Variants in KLHL25 observed in about 807,000 individuals in gnomAD.
The protein encoded by KLHL25 is kelch-like protein 25.
In KLHL25, 41 loss-of-function variants were observed where a neutral mutation model predicts 30.0. The observed-to-expected ratio is 1.37, with a 90% CI of 1.07 to 1.78. The LOEUF (loss-of-function observed/expected upper bound fraction) is 1.78, where lower values mean the gene tolerates loss of function less well. Among genes scored for constraint, KLHL25 ranks in the 40% most tolerant of loss-of-function variants. KLHL25 has a pLI of 0.00. For synonymous variants in KLHL25, 399 were observed against 355.3 expected, an observed-to-expected ratio of 1.12 and a Z score of -1.38; for missense variants, 971 against 824.5, an observed-to-expected ratio of 1.18 and a Z score of -2.18.
At chr15:85,776,063 C>T (rs966121367) in intron 1 of KLHL25, among the ~76,000 whole-genome samples, 1 of 151,210 alleles carries the variant, frequency 6.6e-6, no homozygotes, top group Non-Finnish European at 1.5e-5. Context: ...GTCCCAGCTA[C>T]TCGGGAGGTT....
rs1433216855 is a variant in KLHL25, at chr15:85,768,142, A to G, written c.1669T>C (p.Cys557Arg). The change falls in exon 2 of 3, where the codon TGC (cysteine) becomes CGC (arginine). Residue 557 changes from cysteine (C) to arginine (R), a missense_variant. Coordinates refer to ENST00000337975, the MANE Select transcript of KLHL25 (RefSeq NM_022480.4). Reference sequence around the variant, plus strand: ...CATGTATCTGAAGTGGGGTCATAGCAGTCCAGAGTCTTACACCTCTGGGTC... The same window carrying G: ...CATGTATCTGAAGTGGGGTCATAGCGGTCCAGAGTCTTACACCTCTGGGTC... Reference protein sequence around the residue: ...FGTQRCKTLDCYDPTSDTWNC... With the variant: ...FGTQRCKTLDRYDPTSDTWNC... 1 of 1,614,236 alleles carries G rather than the reference A, an allele frequency of 6.2e-7. No homozygotes were observed.
chr15:85,780,528 A>G (rs1038089767), intron 1 of KLHL25, among the ~76,000 whole-genome samples: 1 of 152,214 alleles, frequency 6.6e-6, no homozygotes, highest in Non-Finnish European at 1.5e-5. Flanking sequence ...TGGCCTAGAT[A>G]TCACTTTCAA....
chr15:85,787,434 G>A (rs1195553858), intron 1 of KLHL25, among the ~76,000 whole-genome samples: 2 of 152,064 alleles, frequency 1.3e-5, no homozygotes, highest in African/African-American at 2.4e-5. Flanking sequence ...TGACAAGAGC[G>A]AAACTCAGTC....
chr15:85,786,970 TG>T (rs1349622514), intron 1 of KLHL25, among the ~76,000 whole-genome samples: 1 of 152,162 alleles, frequency 6.6e-6, no homozygotes, highest in Non-Finnish European at 1.5e-5. Context: ...AGTACCCAGC[TG>T]AGGTCAGGAG....
At chr15:85,775,638 TG>T (rs1446118369) in intron 1 of KLHL25, among the ~76,000 whole-genome samples, 1 of 152,100 alleles carries the variant, frequency 6.6e-6, no homozygotes, top group African/African-American at 2.4e-5. Flanking sequence ...GACTTTGAGC[TG>T]CTAATTCCTC....
intron 1 of KLHL25, among the ~76,000 whole-genome samples, chr15:85,782,807 T>C (rs1597279898): frequency 6.6e-6 from 1 of 152,182 alleles, no homozygotes; most frequent in Non-Finnish European, 1.5e-5. Context: ...TGCAGCACGG[T>C]AGCCTTTCTT....
At chr15:85,788,042 G>A (rs1018591142) in intron 1 of KLHL25, among the ~76,000 whole-genome samples, 1 of 113,094 alleles carries the variant, frequency 8.8e-6, no homozygotes, top group South Asian at 2.9e-4. Context: ...GGCAATGAGA[G>A]GGAAACTAGA....
intron 1 of KLHL25, among the ~76,000 whole-genome samples, chr15:85,772,323 C>T (rs992942095): frequency 6.6e-6 from 1 of 152,236 alleles, no homozygotes; most frequent in Non-Finnish European, 1.5e-5. Context: ...ATTGTCAACA[C>T]ACTTGTGCTT....
chr15:85,793,076 CA>C (rs2089828178), intron 1 of KLHL25, among the ~76,000 whole-genome samples: 1 of 151,806 alleles, frequency 6.6e-6, no homozygotes, highest in Non-Finnish European at 1.5e-5. Flanking sequence ...CGCCCCCGCC[CA>C]AGTGATAGAC....
At chr15:85,764,963 C>T (rs972541630) in intron 2 of KLHL25, among the ~76,000 whole-genome samples, 1 of 152,228 alleles carries the variant, frequency 6.6e-6, no homozygotes, top group African/African-American at 2.4e-5. Flanking sequence ...CTTCCAGGGT[C>T]CCTGGGATCA....
At chr15:85,774,601 G>C (rs1185665749) in intron 1 of KLHL25, among the ~76,000 whole-genome samples, 2 of 152,200 alleles carry the variant, frequency 1.3e-5, no homozygotes, top group African/African-American at 4.8e-5. Context: ...TTCCGTGCCA[G>C]TCTCAGGAAG....
chr15:85,767,640 T>C (rs980025805), intron 2 of KLHL25, among the ~76,000 whole-genome samples: 2 of 152,232 alleles, frequency 1.3e-5, no homozygotes, highest in African/African-American at 4.8e-5. Flanking sequence ...AGGCCCCCTT[T>C]GTTGCACCTG....
chr15:85,792,086 G>A (rs897981438), intron 1 of KLHL25, among the ~76,000 whole-genome samples: 33 of 152,328 alleles, frequency 2.2e-4, no homozygotes, highest in Admixed American at 1.8e-3. Flanking sequence ...GCTTTTGACA[G>A]CTTTAGGTTG....
At chr15:85,772,552 C>A (rs1329968856) in intron 1 of KLHL25, among the ~76,000 whole-genome samples, 1 of 152,230 alleles carries the variant, frequency 6.6e-6, no homozygotes, top group Non-Finnish European at 1.5e-5. Context: ...AACTACGGCC[C>A]TGGAACCAAC....
intron 2 of KLHL25, chr15:85,761,479 A>T (rs1356709987): frequency 6.6e-6 from 1 of 152,316 alleles, no homozygotes; most frequent in East Asian, 1.9e-4. Flanking sequence ...TTTTCCTGCC[A>T]TCGGGCATCA....
At chr15:85,787,098 T>C (rs540373049) in intron 1 of KLHL25, among the ~76,000 whole-genome samples, 204 of 150,316 alleles carry the variant, frequency 1.4e-3, no homozygotes, top group African/African-American at 4.5e-3. Flanking sequence ...ACAATGAGAT[T>C]CCACCCGCCC....
chr15:85,780,003 C>T (rs1021199805), intron 1 of KLHL25, among the ~76,000 whole-genome samples: 2 of 152,156 alleles, frequency 1.3e-5, no homozygotes, highest in Non-Finnish European at 2.9e-5. Context: ...GTAGGCCACC[C>T]GCAAGCCACA....
At position 85,766,181 on chromosome 15, in the gene KLHL25, A is replaced by T. The variant is rs543812424; in HGVS notation, c.*24+1836T>A. 6.6e-5 allele frequency among the ~76,000 whole-genome samples: 10 copies of T among 152,374 alleles called. No homozygotes were observed. The South Asian group carries it at 2.1e-3, about 32-fold the overall frequency. ...GTTCCTATGACCTGAAGCTGAGCCC[A>T]CACGTGGGGATCACTGCCACCACCC... On this transcript the variant is annotated intron_variant, in intron 2 of 2. Transcript: ENST00000337975.
At chr15:85,791,045 C>T (rs992094467) in intron 1 of KLHL25, among the ~76,000 whole-genome samples, 3 of 150,006 alleles carry the variant, frequency 2.0e-5, no homozygotes, top group African/African-American at 7.4e-5. Flanking sequence ...ACTAAAAATA[C>T]AAAAAGCCGA....
Sources: gnomAD v4.1 joint callset for allele counts (sites outside exome capture counted in the v4.1 genomes callset) on GRCh38, gnomAD v4.1.1 for gene constraint, MANE v1.5 for transcripts, NCBI Gene and HGNC (gene_info 2026-07-23, HGNC 2026-07-21) for gene names.